Variants in PHF21B observed in about 807,000 individuals in gnomAD.
The protein encoded by PHF21B is PHD finger protein 4.
Under a neutral mutation model 62.2 loss-of-function variants are expected in PHF21B, and 22 were observed. The ratio of observed to expected loss-of-function variants is 0.35; its 90% CI spans 0.25 to 0.51. PHF21B has a LOEUF of 0.51. Among genes scored for constraint, PHF21B ranks in the 20% least tolerant of loss-of-function variants. PHF21B has a pLI of 0.97. For missense variants in PHF21B, 701 were observed against 707.9 expected, an observed-to-expected ratio of 0.99 and a Z score of 0.11; for synonymous variants, 341 against 314.7, an observed-to-expected ratio of 1.08 and a Z score of -0.88.
chr22:44,991,292 C>A (rs1372654507), intron 2 of PHF21B, among the ~76,000 whole-genome samples: 1 of 152,184 alleles, frequency 6.6e-6, no homozygotes, highest in Non-Finnish European at 1.5e-5. Context: ...TCTGGCCACT[C>A]CACGGTGCAG....
intron 7 of PHF21B, 130 bp downstream of exon 7, chr22:44,893,327 C>T (rs2070999474): frequency 1.3e-6 from 1 of 780,980 alleles, no homozygotes; most frequent in African/African-American, 1.7e-5. Context: ...CCCCCCAGCC[C>T]CACTCCCAGG....
intron 2 of PHF21B, among the ~76,000 whole-genome samples, chr22:44,988,131 C>T (rs2072985240): frequency 1.3e-5 from 2 of 152,184 alleles, no homozygotes; most frequent in Admixed American, 1.3e-4. Context: ...ATATTTCATC[C>T]CATGATACAA....
chr22:44,914,513 G>A (rs545058721), intron 4 of PHF21B, among the ~76,000 whole-genome samples: 4 of 152,238 alleles, frequency 2.6e-5, no homozygotes, highest in Non-Finnish European at 4.4e-5. Context: ...CTGAGGCCAC[G>A]AGAGCTCAGA....
intron 2 of PHF21B, among the ~76,000 whole-genome samples, chr22:44,973,791 C>T (rs2072684448): frequency 6.6e-6 from 1 of 152,176 alleles, no homozygotes; most frequent in African/African-American, 2.4e-5. Flanking sequence ...GAAAGTGTGG[C>T]TCTTGTCCCC....
At chr22:44,891,917 T>A (rs954744209) in intron 7 of PHF21B, among the ~76,000 whole-genome samples, 8 of 152,118 alleles carry the variant, frequency 5.3e-5, no homozygotes, top group African/African-American at 7.2e-5. Flanking sequence ...GCGGCTGTTG[T>A]AATACTGCGT....
At chr22:44,945,931 G>T (rs1327979410) in intron 2 of PHF21B, among the ~76,000 whole-genome samples, 8 of 152,148 alleles carry the variant, frequency 5.3e-5, no homozygotes, top group African/African-American at 1.9e-4. Context: ...GGCCACCCGT[G>T]CTGTTCCTTC....
intron 2 of PHF21B, among the ~76,000 whole-genome samples, chr22:45,007,572 G>A (rs1285054590): frequency 1.5e-5 from 2 of 134,878 alleles, no homozygotes; most frequent in Non-Finnish European, 3.2e-5. Flanking sequence ...GAAGGAGGGA[G>A]GGAGGGGGCA....
At chr22:44,998,651 C>T (rs1157325121) in intron 2 of PHF21B, among the ~76,000 whole-genome samples, 1 of 152,220 alleles carries the variant, frequency 6.6e-6, no homozygotes, top group Non-Finnish European at 1.5e-5. Context: ...TCTGGGTACA[C>T]CCGTCCAGAG....
intron 2 of PHF21B, among the ~76,000 whole-genome samples, chr22:44,985,228 C>T (rs2147489027): frequency 6.6e-6 from 1 of 152,314 alleles, no homozygotes; most frequent in Non-Finnish European, 1.5e-5. Flanking sequence ...AACTTCCACA[C>T]CCACTATTTA....
intron 7 of PHF21B, among the ~76,000 whole-genome samples, chr22:44,892,876 C>A (rs1485709979): frequency 3.3e-5 from 5 of 152,306 alleles, no homozygotes; most frequent in African/African-American, 1.2e-4. Flanking sequence ...CCCTTGTGCT[C>A]CCCTATGGCA....
At chr22:44,995,657 C>T (rs972009976) in intron 2 of PHF21B, among the ~76,000 whole-genome samples, 3 of 152,260 alleles carry the variant, frequency 2.0e-5, no homozygotes, top group African/African-American at 7.2e-5. Flanking sequence ...TCTTAGGATG[C>T]TAAGGTTCTA....
At chr22:44,889,493 C>T (rs2070922093) in intron 9 of PHF21B, among the ~76,000 whole-genome samples, 1 of 152,242 alleles carries the variant, frequency 6.6e-6, no homozygotes, top group African/African-American at 2.4e-5. Context: ...GTGGCCCCTG[C>T]AGTCTCTGCA....
In PHF21B at chr22:44,935,053, C is replaced by T. The variant is rs142696251; in HGVS notation, c.121-14563G>A. 2.1e-3 allele frequency among the ~76,000 whole-genome samples: 322 copies of T among 152,274 alleles called. 1 individual carries two copies. Among genetic ancestry groups the T allele is most frequent in the African/African-American group, 7.4e-3 (309 of 41,546 alleles). On this transcript the variant is annotated intron_variant, in intron 2 of 12. Coordinates refer to ENST00000313237, the MANE Select transcript of PHF21B (RefSeq NM_138415.5). The stretch of plus-strand genomic sequence containing the variant: ...ATCTCTGTGGCTGGTTAAACACACA[C>T]GCTCATGCAGTATATTCACTTTCAT...
In PHF21B at chr22:44,894,293, C is replaced by A. The variant is rs2071019048; in HGVS notation, c.884-760G>T. Among the ~76,000 whole-genome samples, 3 of 152,132 alleles carry A rather than the reference C, an allele frequency of 2.0e-5. No homozygotes were observed. In the South Asian group the frequency reaches 6.2e-4, roughly 32 times the overall value. On this transcript the variant is annotated intron_variant, in intron 6 of 12. Coordinates refer to ENST00000313237, the MANE Select transcript of PHF21B (RefSeq NM_138415.5). ...TTCTAAATGAGGACTATTTATAAAA[C>A]CAATAATGATCACGCCTATTAGGAA...
chr22:44,894,505 G>A (rs543362499), intron 6 of PHF21B, among the ~76,000 whole-genome samples: 5 of 152,292 alleles, frequency 3.3e-5, no homozygotes, highest in African/African-American at 7.2e-5. Flanking sequence ...CTGTGGCACC[G>A]TGGTTTCGGT....
chr22:44,931,275 G>A (rs549723773), intron 2 of PHF21B, among the ~76,000 whole-genome samples: 2 of 152,142 alleles, frequency 1.3e-5, no homozygotes, highest in African/African-American at 2.4e-5. Context: ...CTCGCTCCGA[G>A]GCAATTCTGT....
intron 2 of PHF21B, among the ~76,000 whole-genome samples, chr22:44,990,372 A>C (rs934394791): frequency 6.6e-6 from 1 of 152,248 alleles, no homozygotes; most frequent in Admixed American, 6.5e-5. Flanking sequence ...CATGTTCCTA[A>C]GAGCTTTATT....
At chr22:44,954,315 A>G (rs1490709589) in intron 2 of PHF21B, among the ~76,000 whole-genome samples, 1 of 152,224 alleles carries the variant, frequency 6.6e-6, no homozygotes, top group African/African-American at 2.4e-5. Context: ...TTGGGGACCC[A>G]GCGCAGGACA....
intron 2 of PHF21B, among the ~76,000 whole-genome samples, chr22:44,935,482 C>T (rs1052433884): frequency 2.0e-4 from 30 of 152,204 alleles, no homozygotes; most frequent in African/African-American, 6.3e-4. Flanking sequence ...GGCGTGGTGG[C>T]GGGCGCCTGT....
Sources: allele counts gnomAD v4.1 joint callset (sites outside exome capture counted in the v4.1 genomes callset), GRCh38; gene constraint gnomAD v4.1.1; transcripts MANE v1.5; gene names NCBI Gene and HGNC (gene_info 2026-07-23, HGNC 2026-07-21).